The following ABCA9 variants were observed in gnomAD, a reference collection of about 807,000 sequenced individuals.
ABCA9 encodes ATP-binding cassette sub-family A member 9.
Under a neutral mutation model 205.3 loss-of-function variants are expected in ABCA9, and 183 were observed. That is an observed-to-expected ratio of 0.89 (90% CI 0.79 to 1.01). ABCA9 has a LOEUF of 1.01. Among genes scored for constraint, ABCA9 ranks in the 50% least tolerant of loss-of-function variants. ABCA9 has a pLI of 0.00. For synonymous variants in ABCA9, 651 were observed against 683.3 expected (o/e 0.95, Z 0.74); for missense variants, 1,805 against 1,912.4 (o/e 0.94, Z 1.05).
At chr17:68,980,905 G>A (rs2069031095) in intron 37 of ABCA9, among the ~76,000 whole-genome samples, 3 of 149,496 alleles carry the variant, frequency 2.0e-5, no homozygotes. Context: ...CTTAAAACTT[G>A]AAGTATAATA....
intron 22 of ABCA9, among the ~76,000 whole-genome samples, chr17:69,013,346 C>G (rs2070454865): frequency 6.6e-6 from 1 of 152,118 alleles, no homozygotes; most frequent in Non-Finnish European, 1.5e-5. Flanking sequence ...CTTTACTTCT[C>G]TGTTCTCTTA....
chr17:69,035,336 T>G lies in ABCA9; in HGVS notation c.1038A>C (p.Gly346=). The change falls in exon 8 of 39, where the codon GGA becomes GGC. Residue 346 remains glycine, a synonymous_variant. Coordinates refer to ENST00000340001, the MANE Select transcript of ABCA9 (RefSeq NM_080283.4). ...FLLIVFWGIL[G]FPALYTRLPA... is the part of the protein sequence containing the mutation. ...GAAGACGTGTATACAATGCTGGGAA[T>G]CCCAGGATCCCCCAAAAGACAATAA... 6.2e-7 allele frequency: 1 copy of G among 1,610,928 alleles called. No homozygotes were observed. Among genetic ancestry groups the G allele is most frequent in the South Asian group, 1.1e-5 (1 of 90,686 alleles).
intron 18 of ABCA9, chr17:69,020,815 G>A: frequency 8.6e-6 from 4 of 464,892 alleles, no homozygotes; most frequent in Non-Finnish European, 1.5e-5. Flanking sequence ...AACGTCCTCT[G>A]TCTGCAGCTT....
At chr17:69,075,980 T>C in the ABCA9 span, among the ~76,000 whole-genome samples, 1 of 152,000 alleles carries the variant, frequency 6.6e-6, no homozygotes, top group Admixed American at 6.6e-5. Context: ...AATTTATTTT[T>C]TGTGTGGCCA....
rs150105567 is a variant in ABCA9, at chr17:69,049,388, G to A, written c.199C>T (p.Arg67Cys). The part of the protein sequence containing the change: ...TPQMSSMDLG[R>C]VDSFNDTNYV... Reference sequence around the variant, plus strand: ...TTAGTATCATTAAAACTATCTACACGTCCCAGATCCATTGAAGACATTTGA... The same window carrying A: ...TTAGTATCATTAAAACTATCTACACATCCCAGATCCATTGAAGACATTTGA... The change falls in exon 3 of 39, where the codon CGT (arginine) becomes TGT (cysteine). Residue 67 changes from arginine (R) to cysteine (C), a missense_variant. Arg to Cys is a radical substitution (Grantham distance 180). Transcript: ENST00000340001. 2.6e-5 allele frequency: 42 copies of A among 1,612,520 alleles called. 1 individual carries two copies. The highest frequency in any genetic ancestry group is 3.3e-4 in the Middle Eastern group (2 of 6,072).
At chr17:68,976,488 G>A (rs1261826852) in intron 37 of ABCA9, among the ~76,000 whole-genome samples, 2 of 152,150 alleles carry the variant, frequency 1.3e-5, no homozygotes, top group African/African-American at 2.4e-5. Context: ...CGATGACCAC[G>A]TACCCCTCTG....
Position 69,020,332 on chromosome 17 carries a change from CTTAAA to C in ABCA9, c.2600+51_2600+55del. On this transcript the variant is annotated intron_variant, in intron 19 of 38. Transcript: ENST00000340001. The stretch of plus-strand genomic sequence containing the variant: ...CTGAGTTTCTTTTATGTTTTGCTCT[CTTAAA>C]TTTATTTTTAGTTCACAGACAAAAC... 4 of 1,506,596 alleles carry C rather than the reference CTTAAA, an allele frequency of 2.7e-6. No individual in the cohort carries two copies. The Middle Eastern group carries it at 5.3e-4, about 200-fold the overall frequency. 93.3% of individuals were successfully genotyped at this position (1,506,596 alleles called of 1,614,324 possible). A position where few individuals can be genotyped will look rare whatever the true frequency, so the allele number is the denominator to read the frequency against.
intron 23 of ABCA9, 104 bp downstream of exon 23, chr17:69,011,872 G>A: frequency 1.6e-6 from 1 of 609,068 alleles, no homozygotes; most frequent in Non-Finnish European, 2.7e-6. Flanking sequence ...ATTGCATCAA[G>A]TACAAAAATT....
chr17:69,003,550 AT>A (rs2069975188), intron 25 of ABCA9, among the ~76,000 whole-genome samples: 1 of 136,420 alleles, frequency 7.3e-6, no homozygotes, highest in African/African-American at 2.8e-5. Flanking sequence ...TGCCCTTAAC[AT>A]TTTTTCCTTC....
intron 37 of ABCA9, among the ~76,000 whole-genome samples, chr17:68,982,050 T>TGCAGGAAG (rs1337523285): frequency 6.6e-6 from 1 of 152,090 alleles, no homozygotes; most frequent in Non-Finnish European, 1.5e-5. Flanking sequence ...GACTTACAGA[T>TGCAGGAAG]TAACACACCT....
chr17:69,045,614 C>A (rs2071684178), intron 3 of ABCA9, among the ~76,000 whole-genome samples: 1 of 151,708 alleles, frequency 6.6e-6, no homozygotes, highest in Non-Finnish European at 1.5e-5. Flanking sequence ...AAGAAAATAC[C>A]GAGACTGGGT....
At chr17:69,027,881 A>G in intron 12 of ABCA9, 66 bp from the exon 13 acceptor site, 1 of 1,264,236 alleles carries the variant, frequency 7.9e-7, no homozygotes, top group Non-Finnish European at 1.1e-6. Context: ...GATCTTTTAA[A>G]ATGGAAAACA....
At chr17:69,067,269 A>G in the ABCA9 span, among the ~76,000 whole-genome samples, 1 of 151,994 alleles carries the variant, frequency 6.6e-6, no homozygotes, top group East Asian at 1.9e-4. Flanking sequence ...TGAATTTATA[A>G]AAGAAAGTCA....
chr17:69,016,479 T>G (rs2070618772), intron 21 of ABCA9, 89 bp from the exon 22 acceptor site: 3 of 1,224,162 alleles, frequency 2.5e-6, no homozygotes, highest in Non-Finnish European at 3.3e-6. Flanking sequence ...TTCAAGTTAC[T>G]GATAATATAA....
At position 69,017,882 on chromosome 17, in the gene ABCA9, C is replaced by T. The variant is rs538096139; in HGVS notation, c.2768-93G>A. 58 of 1,386,024 alleles carry T rather than the reference C, an allele frequency of 4.2e-5. No individual in the cohort carries two copies. In the African/African-American group the frequency reaches 5.0e-4, roughly 12 times the overall value. The allele number at this position is 1,386,024 out of a possible 1,614,324, so 85.9% of individuals were successfully genotyped here. ...ACATTACATCACACAAAGCATATCA[C>T]ACAAAAGGACTGTCTAAGGCTTTTC... On this transcript the variant is annotated intron_variant, in intron 20 of 38. Coordinates refer to ENST00000340001, the MANE Select transcript of ABCA9 (RefSeq NM_080283.4).
intron 23 of ABCA9, chr17:69,011,682 G>A: frequency 4.0e-6 from 1 of 248,776 alleles, no homozygotes; most frequent in East Asian, 8.2e-5. Context: ...TGAGAGATGA[G>A]ATGTGATTAT....
intron 11 of ABCA9, 146 bp from the exon 12 acceptor site, chr17:69,028,791 T>C: frequency 2.1e-6 from 1 of 477,966 alleles, no homozygotes; most frequent in South Asian, 5.5e-5. Context: ...CTTTTAAAAC[T>C]GTATTTCAAC....
rs757186794 is a variant in ABCA9, at chr17:69,027,404, T to A, written c.1837A>T (p.Ile613Phe). 13 of 1,613,132 alleles carry A rather than the reference T, an allele frequency of 8.1e-6. No individual in the cohort carries two copies. The highest frequency in any genetic ancestry group is 1.1e-5 in the Non-Finnish European group (13 of 1,179,462). ...QELEMENIQD[I>F]LAQNLSGGQN... is the part of the protein sequence containing the mutation. Reference sequence around the variant, plus strand: ...CCACCACTTAAGTTTTGAGCAAGGATGTCTTGAATATTTTCCATTTCTAAT... The same window carrying A: ...CCACCACTTAAGTTTTGAGCAAGGAAGTCTTGAATATTTTCCATTTCTAAT... The change falls in exon 14 of 39, where the codon ATC (isoleucine) becomes TTC (phenylalanine). Residue 613 changes from isoleucine (I) to phenylalanine (F), a missense_variant. Physicochemically the swap from Ile to Phe is conservative, Grantham distance 21. Coordinates refer to ENST00000340001, the MANE Select transcript of ABCA9 (RefSeq NM_080283.4).
chr17:69,024,567 G>GT (rs2070921865), intron 16 of ABCA9, among the ~76,000 whole-genome samples: 2 of 152,284 alleles, frequency 1.3e-5, no homozygotes, highest in South Asian at 4.1e-4. Context: ...GATGATTAGA[G>GT]TGGGAAGAGG....
Sources: allele counts gnomAD v4.1 joint callset (sites outside exome capture counted in the v4.1 genomes callset), GRCh38; gene constraint gnomAD v4.1.1; transcripts MANE v1.5; gene names NCBI Gene and HGNC (gene_info 2026-07-23, HGNC 2026-07-21).